Variants in PTPRD observed in about 807,000 individuals in gnomAD.
The protein encoded by PTPRD is receptor-type tyrosine-protein phosphatase delta.
PTPRD carries 34 observed loss-of-function variants against 214.5 expected under a neutral mutation model. That is an observed-to-expected ratio of 0.16 (90% CI 0.12 to 0.21). The LOEUF (loss-of-function observed/expected upper bound fraction) is 0.21, where lower values mean the gene tolerates loss of function less well. Ranked by LOEUF, PTPRD falls within the 10% of genes least tolerant of loss-of-function variation. PTPRD has a pLI of 1.00. For synonymous variants in PTPRD, 1,128 were observed against 845.7 expected, an observed-to-expected ratio of 1.33 and a Z score of -5.79; for missense variants, 2,545 against 2,398.7, an observed-to-expected ratio of 1.06 and a Z score of -1.27.
chr9:8,915,395 G>C (rs1043852307), intron 11 of PTPRD, among the ~76,000 whole-genome samples: 3 of 152,134 alleles, frequency 2.0e-5, no homozygotes, highest in Non-Finnish European at 2.9e-5. Flanking sequence ...TACAACAAGA[G>C]GCATATATAG....
chr9:8,683,263 G>GT lies in PTPRD; in HGVS notation c.65-46420dup, dbSNP rs1407702794. Among the ~76,000 whole-genome samples the GT allele has an allele frequency of 5.3e-5, 8 of 151,914 alleles. No individual in the cohort carries two copies. The South Asian group carries it at 1.7e-3, about 32-fold the overall frequency. On this transcript the variant is annotated intron_variant, in intron 12 of 45. Coordinates refer to ENST00000381196, the MANE Select transcript of PTPRD (RefSeq NM_002839.4). ...TTTGCATTCATGATTTGACTGTCAGGTTTGAAAGCAAAATTTATGAAAACA... is the reference window on the plus strand; with the variant it reads ...TTTGCATTCATGATTTGACTGTCAGGTTTTGAAAGCAAAATTTATGAAAACA...
At chr9:8,844,653 C>G (rs896959322) in intron 11 of PTPRD, among the ~76,000 whole-genome samples, 1 of 152,140 alleles carries the variant, frequency 6.6e-6, no homozygotes, top group Admixed American at 6.5e-5. Flanking sequence ...ATAGCTGCCA[C>G]AAATCCTTTT....
intron 8 of PTPRD, among the ~76,000 whole-genome samples, chr9:9,503,636 A>T (rs920844419): frequency 6.6e-6 from 1 of 151,766 alleles, no homozygotes; most frequent in African/African-American, 2.4e-5. Flanking sequence ...AAACCTCCGA[A>T]TCTTGTAGCA....
chr9:9,468,859 G>A (rs2094401955), intron 8 of PTPRD, among the ~76,000 whole-genome samples: 1 of 152,060 alleles, frequency 6.6e-6, no homozygotes, highest in Admixed American at 6.6e-5. Context: ...GGCTTAGTGT[G>A]TCTATTTAAA....
intron 14 of PTPRD, among the ~76,000 whole-genome samples, chr9:8,595,261 A>G (rs2094417781): frequency 6.6e-6 from 1 of 151,836 alleles, no homozygotes; most frequent in African/African-American, 2.4e-5. Context: ...ATGGCAGAAG[A>G]GTTTGATCAC....
chr9:9,423,111 C>G (rs961003890), intron 8 of PTPRD, among the ~76,000 whole-genome samples: 1 of 152,126 alleles, frequency 6.6e-6, no homozygotes, highest in Non-Finnish European at 1.5e-5. Flanking sequence ...TGATTCTACT[C>G]CATCTGCCTG....
intron 11 of PTPRD, among the ~76,000 whole-genome samples, chr9:8,756,402 T>C (rs768437758): frequency 7.2e-5 from 11 of 152,202 alleles, no homozygotes; most frequent in Non-Finnish European, 1.3e-4. Context: ...TGAAAGTACA[T>C]ATATGTAACA....
chr9:10,261,324 A>C (rs1161593277), intron 3 of PTPRD, among the ~76,000 whole-genome samples: 2 of 151,892 alleles, frequency 1.3e-5, no homozygotes, highest in Admixed American at 1.3e-4. Context: ...CATTTGAAAT[A>C]ATATATGAGT....
chr9:9,113,190 G>T (rs1245954311), intron 10 of PTPRD, among the ~76,000 whole-genome samples: 1 of 151,734 alleles, frequency 6.6e-6, no homozygotes, highest in African/African-American at 2.4e-5. Context: ...TGCCCAGACT[G>T]GTCTCAAATC....
intron 8 of PTPRD, among the ~76,000 whole-genome samples, chr9:9,560,846 C>T (rs2082737534): frequency 6.6e-6 from 1 of 152,116 alleles, no homozygotes; most frequent in African/African-American, 2.4e-5. Flanking sequence ...GAGCCAGCTG[C>T]CCCCATGCAC....
intron 9 of PTPRD, among the ~76,000 whole-genome samples, chr9:9,373,645 C>T (rs763303507): frequency 7.9e-5 from 12 of 152,072 alleles, no homozygotes; most frequent in African/African-American, 1.4e-4. Flanking sequence ...TTGCCTTCTG[C>T]TCTTCTCTAA....
intron 2 of PTPRD, among the ~76,000 whole-genome samples, chr9:10,436,304 A>G (rs1003891213): frequency 2.6e-5 from 4 of 151,780 alleles, no homozygotes; most frequent in African/African-American, 9.7e-5. Flanking sequence ...AATTGTTTTC[A>G]GTGTCCACAT....
intron 39 of PTPRD, among the ~76,000 whole-genome samples, chr9:8,345,308 C>T (rs1431851741): frequency 1.3e-5 from 2 of 152,066 alleles, no homozygotes; most frequent in Non-Finnish European, 2.9e-5. Flanking sequence ...CACGCCATAC[C>T]TGGATAGCAG....
intron 3 of PTPRD, among the ~76,000 whole-genome samples, chr9:10,201,370 C>G (rs528110112): frequency 6.6e-6 from 1 of 151,878 alleles, no homozygotes; most frequent in Non-Finnish European, 1.5e-5. Context: ...AAAATCTATC[C>G]AAATGTAAAT....
chr9:8,825,734 T>C (rs146992365), intron 11 of PTPRD, among the ~76,000 whole-genome samples: 12 of 152,318 alleles, frequency 7.9e-5, no homozygotes, highest in Middle Eastern at 6.8e-3. Context: ...CCCATTGTTA[T>C]GGTTATTTCT....
intron 8 of PTPRD, among the ~76,000 whole-genome samples, chr9:9,409,619 A>G (rs2141835003): frequency 6.6e-6 from 1 of 152,188 alleles, no homozygotes; most frequent in South Asian, 2.1e-4. Flanking sequence ...CAATATAAAA[A>G]GTACAAGCCA....
intron 8 of PTPRD, among the ~76,000 whole-genome samples, chr9:9,402,992 C>A (rs71500986): frequency 0.26 from 27,352 of 105,510 alleles, 2,618 homozygotes; most frequent in African/African-American, 0.31. Context: ...AAAAAAAACA[C>A]CAAAAAAAAA....
intron 8 of PTPRD, among the ~76,000 whole-genome samples, chr9:9,553,311 T>C (rs532781524): frequency 2.0e-5 from 3 of 152,184 alleles, no homozygotes; most frequent in Admixed American, 2.0e-4. Context: ...GTTTATTTTT[T>C]TCTAATTTCT....
At chr9:8,591,214 A>C (rs1374539751) in intron 14 of PTPRD, among the ~76,000 whole-genome samples, 2 of 152,202 alleles carry the variant, frequency 1.3e-5, no homozygotes, top group Non-Finnish European at 2.9e-5. Context: ...CTGCATCTGC[A>C]ACCTTAATTT....
Sources: allele counts gnomAD v4.1 joint callset (sites outside exome capture counted in the v4.1 genomes callset), GRCh38; gene constraint gnomAD v4.1.1; transcripts MANE v1.5; gene names NCBI Gene and HGNC (gene_info 2026-07-23, HGNC 2026-07-21).